The following AKAP8L variants were observed in gnomAD, a reference collection of about 807,000 sequenced individuals.
The protein encoded by AKAP8L is A-kinase anchoring protein 8 like.
Under a neutral mutation model 77.5 loss-of-function variants are expected in AKAP8L, and 34 were observed. That is an observed-to-expected ratio of 0.44 (90% confidence interval 0.33 to 0.58). The LOEUF (loss-of-function observed/expected upper bound fraction) is 0.58, where lower values mean the gene tolerates loss of function less well. Among genes scored for constraint, AKAP8L ranks in the 20% least tolerant of loss-of-function variants. The pLI, the probability that AKAP8L is intolerant of heterozygous loss-of-function variation, is 0.02. For missense variants in AKAP8L, 806 were observed against 887.6 expected (o/e 0.91, Z 1.17); for synonymous variants, 342 against 340.7 (o/e 1.00, Z -0.04).
At position 15,380,155 on chromosome 19, in the gene AKAP8L, C is replaced by T. The variant is rs1967367472; in HGVS notation, c.1908G>A (p.Glu636=). ...CGCCCCCGCCGCCCTCCTCGTCGTC[C>T]TCCACGTCGAGGCCCGGGATGCCGC... ...QIRGIPGLDV[E]DDEEGGGGAP The change falls in exon 14 of 14, where the codon GAG becomes GAA. Residue 636 remains glutamate (E), a synonymous_variant. Transcript: ENST00000397410. 6.6e-7 allele frequency: 1 copy of T among 1,503,970 alleles called. No individual in the cohort carries two copies. 93.2% of individuals were successfully genotyped at this position (1,503,970 alleles called of 1,614,324 possible).
At chr19:15,382,232 G>A (rs1315447566) in intron 12 of AKAP8L, among the ~76,000 whole-genome samples, 1 of 138,556 alleles carries the variant, frequency 7.2e-6, no homozygotes, top group Non-Finnish European at 1.5e-5. Context: ...TTTTAAGACA[G>A]TCTCGCTCTG....
In AKAP8L at chr19:15,403,657, C is replaced by T. The variant is rs1287955598; in HGVS notation, c.180G>A (p.Gly60=). 6.2e-7 allele frequency: 1 copy of T among 1,612,894 alleles called. No individual in the cohort carries two copies. The highest frequency in any genetic ancestry group is 1.3e-5 in the African/African-American group (1 of 74,818). The change falls in exon 4 of 14, where the codon GGG becomes GGA. Residue 60 remains glycine (G), a synonymous_variant. Transcript: ENST00000397410. This position sits in a 1 kb window ranked among gnomAD's most constrained non-coding sequence, Gnocchi z 4.3. The part of the protein sequence containing the change: ...GYGQDNTTNY[G]YGMATSHSWE... ...AAGAGTGTGAAGTGGCCATACCATACCCATAGTTGGTGGTGTTATCCTGGC... is the reference window on the plus strand; with the variant it reads ...AAGAGTGTGAAGTGGCCATACCATATCCATAGTTGGTGGTGTTATCCTGGC...
Position 15,403,762 on chromosome 19 carries a change from G to T in AKAP8L, c.122-47C>A. 6.9e-7 allele frequency: 1 copy of T among 1,440,570 alleles called. No homozygotes were observed. Among genetic ancestry groups the T allele is most frequent in the South Asian group, 1.2e-5 (1 of 82,380 alleles). 89.2% of individuals were successfully genotyped at this position (1,440,570 alleles called of 1,614,324 possible). ...CAGACAGATGGTGGGGGCAGGCAGA[G>T]GGGAGGCAGACAGAGACAGAGACAA... On this transcript the variant is annotated intron_variant, in intron 3 of 13. Transcript: ENST00000397410. The surrounding 1 kb of genome is among the most constrained non-coding windows in gnomAD (Gnocchi z 4.3).
chr19:15,396,940 A>G (rs1310782764), intron 12 of AKAP8L, among the ~76,000 whole-genome samples: 1 of 152,080 alleles, frequency 6.6e-6, no homozygotes, highest in Admixed American at 6.5e-5. Flanking sequence ...ATCCCACAGA[A>G]TATATCACCT....
At chr19:15,380,859 C>A in intron 12 of AKAP8L, 1 of 522,358 alleles carries the variant, frequency 1.9e-6, no homozygotes. Context: ...TCTAACTTTA[C>A]GGCTGTATTA....
rs1031019578 is a variant in AKAP8L at position 15,398,823 on chromosome 19, G to A, written c.1157+479C>T. On this transcript the variant is annotated intron_variant, in intron 9 of 13. Coordinates refer to ENST00000397410, the MANE Select transcript of AKAP8L (RefSeq NM_014371.4). This position sits in a 1 kb window ranked among gnomAD's most constrained non-coding sequence, Gnocchi z 9.2. ...GAAGGGCTCAGCCGCAGACAGGCCC[G>A]GCCTGACAGGGCCGGCGGGCAGGGC... 2.7e-5 allele frequency: 27 copies of A among 1,012,958 alleles called. No individual in the cohort carries two copies. Among genetic ancestry groups the A allele is most frequent in the East Asian group, 9.9e-5 (1 of 10,062 alleles). The allele number at this position is 1,012,958 out of a possible 1,614,324, so 62.7% of individuals were successfully genotyped here. A position where few individuals can be genotyped will look rare whatever the true frequency, so the allele number is the denominator to read the frequency against.
At chr19:15,410,443 G>A in intron 2 of AKAP8L, 77 bp downstream of exon 2, 2 of 1,300,642 alleles carry the variant, frequency 1.5e-6, no homozygotes, top group Non-Finnish European at 1.1e-6. Flanking sequence ...CAGGGTGACA[G>A]CAAAGCCAAA....
chr19:15,394,407 G>C (rs1293403981), intron 12 of AKAP8L, among the ~76,000 whole-genome samples: 1 of 152,206 alleles, frequency 6.6e-6, no homozygotes. Context: ...CCTAAGGCTG[G>C]AGGAGGACAA....
chr19:15,403,879 G>A lies in AKAP8L; in HGVS notation c.121+131C>T. The A allele has an allele frequency of 1.7e-6, 2 of 1,178,458 alleles. No individual in the cohort carries two copies. Among genetic ancestry groups the A allele is most frequent in the Middle Eastern group, 2.0e-4 (1 of 5,086 alleles). 73.0% of individuals were successfully genotyped at this position (1,178,458 alleles called of 1,614,324 possible). On this transcript the variant is annotated intron_variant, in intron 3 of 13. Coordinates refer to ENST00000397410, the MANE Select transcript of AKAP8L (RefSeq NM_014371.4). This position sits in a 1 kb window ranked among gnomAD's most constrained non-coding sequence, Gnocchi z 4.3. ...CTGGTCATTCTGATGAGGGCCTCCT[G>A]TTAAGGAGTAGGTAACCCCAGAAAC...
Position 15,405,452 on chromosome 19 carries a change from C to A in AKAP8L, c.89-1410G>T, listed in dbSNP as rs575839358. On this transcript the variant is annotated intron_variant, in intron 2 of 13. Transcript: ENST00000397410. The stretch of plus-strand genomic sequence containing the variant: ...GGAGGCTGAGGCACAGTTGCTTGAA[C>A]CCAGGCGGCAGAGTTTGCAGTGAGG... 1.3e-3 allele frequency among the ~76,000 whole-genome samples: 198 copies of A among 151,546 alleles called. 2 individuals carry two copies. The South Asian group carries it at 0.04, about 30-fold the overall frequency.
chr19:15,390,906 A>G (rs1316030412), intron 12 of AKAP8L, among the ~76,000 whole-genome samples: 1 of 152,204 alleles, frequency 6.6e-6, no homozygotes, highest in African/African-American at 2.4e-5. Context: ...CTAGAAGGGA[A>G]CGTCTTCAAC....
At position 15,380,623 on chromosome 19, in the gene AKAP8L, G is replaced by A. The variant is rs976568284; in HGVS notation, c.1537-11C>T. 6.2e-7 allele frequency: 1 copy of A among 1,612,630 alleles called. No homozygotes were observed. Among genetic ancestry groups the A allele is most frequent in the South Asian group, 1.1e-5 (1 of 91,064 alleles). On this transcript the variant is annotated splice_polypyrimidine_tract_variant and intron_variant, in intron 12 of 13. Transcript: ENST00000397410. ...CTGCTCCATCATGAGCTGCGGGCAGGGCAGAAGGAGCTGGAGAGGCTGCTC... is the reference window on the plus strand; with the variant it reads ...CTGCTCCATCATGAGCTGCGGGCAGAGCAGAAGGAGCTGGAGAGGCTGCTC...
chr19:15,418,467 G>C (rs1425005398), intron 1 of AKAP8L, among the ~76,000 whole-genome samples: 2 of 152,228 alleles, frequency 1.3e-5, no homozygotes, highest in East Asian at 3.9e-4. Context: ...ATCGGGATGG[G>C]GGTGTAGAGC....
intron 1 of AKAP8L, among the ~76,000 whole-genome samples, chr19:15,411,852 A>C (rs1004327030): frequency 6.6e-6 from 1 of 152,084 alleles, no homozygotes; most frequent in Admixed American, 6.6e-5. Flanking sequence ...CCAGGAGTTC[A>C]AGACCAGCCT....
At chr19:15,415,742 C>T (rs938101313) in intron 1 of AKAP8L, among the ~76,000 whole-genome samples, 17 of 151,966 alleles carry the variant, frequency 1.1e-4, no homozygotes, top group Admixed American at 3.9e-4. Flanking sequence ...AAAAATTAGC[C>T]GGGTGTGGTG....
Position 15,392,680 on chromosome 19 carries a change from C to T in AKAP8L, c.1536+4470G>A, listed in dbSNP as rs540960297. Among the ~76,000 whole-genome samples, 24 of 151,190 alleles carry T rather than the reference C, an allele frequency of 1.6e-4. No homozygotes were observed. The East Asian group carries it at 2.1e-3, about 14-fold the overall frequency. On this transcript the variant is annotated intron_variant, in intron 12 of 13. Transcript: ENST00000397410. ...GGGAGGCTGAGGTGGGTGGATCCCC[C>T]AAGGTCAGGAGTTCAAGACCAGCCT...
chr19:15,385,550 C>CAT (rs1455747433), intron 12 of AKAP8L, among the ~76,000 whole-genome samples: 1 of 152,138 alleles, frequency 6.6e-6, no homozygotes, highest in African/African-American at 2.4e-5. Flanking sequence ...ATGTATCATA[C>CAT]ATAGGGATCA....
At chr19:15,387,800 A>G (rs1023705410) in intron 12 of AKAP8L, among the ~76,000 whole-genome samples, 3 of 152,166 alleles carry the variant, frequency 2.0e-5, no homozygotes, top group Admixed American at 6.5e-5. Flanking sequence ...CTCTACTAAC[A>G]ATACAAAAAT....
In AKAP8L at chr19:15,413,613, A is replaced by G. The variant is rs116210621; in HGVS notation, c.14-3019T>C. Among the ~76,000 whole-genome samples, 696 of 152,348 alleles carry G rather than the reference A, an allele frequency of 4.6e-3. 6 individuals carry two copies. The highest frequency in any genetic ancestry group is 0.016 in the African/African-American group (662 of 41,574). On this transcript the variant is annotated intron_variant, in intron 1 of 13. Coordinates refer to ENST00000397410, the MANE Select transcript of AKAP8L (RefSeq NM_014371.4). Reference sequence around the variant, plus strand: ...AGGCATTGTTGATTAATAGCTGTCCATAAGAAACACTGAGAGCAGCTTTGA... The same window carrying G: ...AGGCATTGTTGATTAATAGCTGTCCGTAAGAAACACTGAGAGCAGCTTTGA...
Sources: allele counts gnomAD v4.1 joint callset (sites outside exome capture counted in the v4.1 genomes callset), GRCh38; gene constraint gnomAD v4.1.1; non-coding constraint Gnocchi (gnomAD v3.1); transcripts MANE v1.5; gene names NCBI Gene and HGNC (gene_info 2026-07-23, HGNC 2026-07-21).